GPC1: variants seen among roughly 807,000 people sequenced by gnomAD.
The protein encoded by GPC1 is glypican-1.
In GPC1, 26 loss-of-function variants were observed where a neutral mutation model predicts 51.5. The ratio of observed to expected loss-of-function variants is 0.50; its 90% CI spans 0.37 to 0.70. GPC1 has a LOEUF of 0.70. GPC1 is among the 30% of genes least tolerant of loss of function. GPC1 has a pLI of 0.00. For synonymous variants in GPC1, 380 were observed against 348.3 expected, an observed-to-expected ratio of 1.09 and a Z score of -1.01; for missense variants, 775 against 800.5, an observed-to-expected ratio of 0.97 and a Z score of 0.38.
At chr2:240,445,794 T>G (rs570184687) in intron 1 of GPC1, among the ~76,000 whole-genome samples, 7 of 152,302 alleles carry the variant, frequency 4.6e-5, no homozygotes, top group African/African-American at 1.7e-4. Flanking sequence ...TCGCCGCTGT[T>G]TATGCCCCTC....
At chr2:240,460,491 T>G (rs969032700) in intron 2 of GPC1, among the ~76,000 whole-genome samples, 4 of 152,032 alleles carry the variant, frequency 2.6e-5, no homozygotes, top group Non-Finnish European at 5.9e-5. Flanking sequence ...GCCCTGCCCC[T>G]TCCCCTCTCC....
At chr2:240,458,151 A>G in intron 1 of GPC1, 1 of 452,098 alleles carries the variant, frequency 2.2e-6, no homozygotes, top group Non-Finnish European at 4.7e-6. Context: ...TAAAATGAGG[A>G]TTGCGGCAGC....
rs1433754343 is a variant in GPC1, at chr2:240,467,273, C to G, written c.*983C>G. 1 of 152,350 alleles carries G rather than the reference C, an allele frequency of 6.6e-6. No homozygotes were observed. Among genetic ancestry groups the G allele is most frequent in the Admixed American group, 6.5e-5 (1 of 15,288 alleles). 9.4% of individuals were successfully genotyped at this position (152,350 alleles called of 1,614,324 possible). A position where few individuals can be genotyped will look rare whatever the true frequency, so the allele number is the denominator to read the frequency against. On this transcript the variant is annotated 3_prime_UTR_variant, in exon 9 of 9. Coordinates refer to ENST00000264039, the MANE Select transcript of GPC1 (RefSeq NM_002081.3). ...CAGGGATGCTGGTGGCTGGTGAGAC[C>G]CCGCACTGCAGACGGGAATGCCTAG...
In GPC1 at chr2:240,466,139, G is replaced by A. The variant is rs770527692; in HGVS notation, c.1526G>A (p.Ser509Asn). Residue 509 changes from serine (S) to asparagine (N), a missense_variant, in exon 9 of 9, where the codon AGC becomes AAC. By Grantham distance (46) the Ser-to-Asn change is conservative. Transcript: ENST00000264039. ...CSRKVSRKSS[S>N]SRTPLTHALP... ...CGGAAGGTCAGCAGGAAGAGCTCCA[G>A]CTCCCGGACGCCCTTGACCCATGCC... The A allele has an allele frequency of 6.2e-6, 10 of 1,612,844 alleles. No individual in the cohort carries two copies. In the Middle Eastern group the frequency reaches 4.9e-4, roughly 80 times the overall value.
At position 240,465,070 on chromosome 2, in the gene GPC1, C is replaced by T. The variant is rs374729243; in HGVS notation, c.1135-7C>T. ...GGCAGCCCAGTGGCCTGACTGCTGCCCCACAGGTCTCCGAAGCCAAGGCCC... is the reference window on the plus strand; with the variant it reads ...GGCAGCCCAGTGGCCTGACTGCTGCTCCACAGGTCTCCGAAGCCAAGGCCC... On this transcript the variant is annotated splice_polypyrimidine_tract_variant and splice_region_variant and intron_variant, in intron 6 of 8. Coordinates refer to ENST00000264039, the MANE Select transcript of GPC1 (RefSeq NM_002081.3). 6.9e-6 allele frequency: 11 copies of T among 1,600,268 alleles called. No homozygotes were observed. Among genetic ancestry groups the T allele is most frequent in the South Asian group, 1.1e-5 (1 of 89,046 alleles).
Position 240,464,711 on chromosome 2 carries a change from G to A in GPC1, c.979G>A (p.Ala327Thr), listed in dbSNP as rs751991629. Residue 327 changes from alanine to threonine, a missense_variant, in exon 5 of 9, where the codon GCC (alanine) becomes ACC (threonine). Coordinates refer to ENST00000264039, the MANE Select transcript of GPC1 (RefSeq NM_002081.3). ...CACGTGGCTGGCGGAGGCCATCAACGCCCTCCAGGACAACAGGGACACGCT... is the reference window on the plus strand; with the variant it reads ...CACGTGGCTGGCGGAGGCCATCAACACCCTCCAGGACAACAGGGACACGCT... ...VHTWLAEAINALQDNRDTLTA... is the reference protein window; with the variant it reads ...VHTWLAEAINTLQDNRDTLTA... The A allele has an allele frequency of 1.6e-5, 26 of 1,611,572 alleles. No individual in the cohort carries two copies. The highest frequency in any genetic ancestry group is 1.1e-4 in the South Asian group (10 of 90,844).
At position 240,448,357 on chromosome 2, in the gene GPC1, C is replaced by T. The variant is rs756460165; in HGVS notation, c.167-10673C>T. 4.8e-4 allele frequency among the ~76,000 whole-genome samples: 73 copies of T among 152,046 alleles called. No homozygotes were observed. Among genetic ancestry groups the T allele is most frequent in the Non-Finnish European group, 8.1e-4 (55 of 68,020 alleles). ...TCATGGGATCCTGGCATCCCTCTGT[C>T]TGCCAGGCAGTCCGGGTGTAGATAG... is the stretch of plus-strand genomic sequence containing the variant. On this transcript the variant is annotated intron_variant, in intron 1 of 8. Coordinates refer to ENST00000264039, the MANE Select transcript of GPC1 (RefSeq NM_002081.3). The surrounding 1 kb of genome is among the most constrained non-coding windows in gnomAD (Gnocchi z 4.5).
At chr2:240,438,256 C>T (rs2073996322) in intron 1 of GPC1, among the ~76,000 whole-genome samples, 1 of 152,190 alleles carries the variant, frequency 6.6e-6, no homozygotes, top group African/African-American at 2.4e-5. Context: ...TCTCTCCCTG[C>T]ACCCCCTATG....
chr2:240,459,218 C>T (rs972999334), intron 2 of GPC1, 30 bp downstream of exon 2: 13 of 1,599,000 alleles, frequency 8.1e-6, no homozygotes, highest in South Asian at 1.1e-5. Flanking sequence ...GCTCGGGGCC[C>T]GCAGGGTGCC....
rs2074259786 is a variant in GPC1 at position 240,466,125 on chromosome 2, C to G, written c.1512C>G (p.Ser504Arg). 1.9e-6 allele frequency: 3 copies of G among 1,612,876 alleles called. No homozygotes were observed. Among genetic ancestry groups the G allele is most frequent in the Non-Finnish European group, 2.5e-6 (3 of 1,179,806 alleles). The change falls in exon 9 of 9, where the codon AGC becomes AGG. Residue 504 changes from serine (S) to arginine (R), a missense_variant. Physicochemically the swap from Ser to Arg is moderately radical, Grantham distance 110. Transcript: ENST00000264039. ...ATGACCTCTGCAGCCGGAAGGTCAGCAGGAAGAGCTCCAGCTCCCGGACGC... is the reference window on the plus strand; with the variant it reads ...ATGACCTCTGCAGCCGGAAGGTCAGGAGGAAGAGCTCCAGCTCCCGGACGC... ...CLDDLCSRKV[S>R]RKSSSSRTPL... is the part of the protein sequence containing the mutation.
At chr2:240,456,648 G>C (rs1391420227) in intron 1 of GPC1, 1 of 470,504 alleles carries the variant, frequency 2.1e-6, no homozygotes, top group Non-Finnish European at 4.4e-6. Flanking sequence ...GCCTGGATGG[G>C]TGCACAGGGC....
At position 240,435,824 on chromosome 2, in the gene GPC1, C is replaced by T. The variant is rs2073979568; in HGVS notation, c.-95C>T. On this transcript the variant is annotated 5_prime_UTR_variant, in exon 1 of 9. Coordinates refer to ENST00000264039, the MANE Select transcript of GPC1 (RefSeq NM_002081.3). ...GACCGCGAGCCGCGCGCGCCGGGAC[C>T]TTGGCTCTGCCCTTCGCGGGCGGGA... 2.4e-6 allele frequency: 2 copies of T among 834,570 alleles called. No individual in the cohort carries two copies. The highest frequency in any genetic ancestry group is 3.8e-5 in the East Asian group (1 of 26,544). 51.7% of individuals were successfully genotyped at this position (834,570 alleles called of 1,614,324 possible).
At position 240,446,555 on chromosome 2, in the gene GPC1, G is replaced by A. The variant is rs570404888; in HGVS notation, c.166+10471G>A. Among the ~76,000 whole-genome samples, 8 of 152,314 alleles carry A rather than the reference G, an allele frequency of 5.3e-5. No individual in the cohort carries two copies. The East Asian group carries it at 1.2e-3, about 22-fold the overall frequency. On this transcript the variant is annotated intron_variant, in intron 1 of 8. Transcript: ENST00000264039. ...TTGAGTCATGTGAACCCTGAGGGCC[G>A]AACCCTAAAGACCACTCCCTGGCTG...
At position 240,466,217 on chromosome 2, in the gene GPC1, C is replaced by G. The variant is rs751446559; in HGVS notation, c.1604C>G (p.Pro535Arg). The G allele has an allele frequency of 6.2e-7, 1 of 1,612,972 alleles. No homozygotes were observed. The highest frequency in any genetic ancestry group is 8.5e-7 in the Non-Finnish European group (1 of 1,179,414). ...EGQKTSAASC[P>R]QPPTFLLPLL... ...CAGAAGACCTCGGCTGCCAGCTGCC[C>G]CCAGCCCCCGACCTTCCTCCTGCCC... is the stretch of plus-strand genomic sequence containing the variant. The change falls in exon 9 of 9, where the codon CCC (proline) becomes CGC (arginine). Residue 535 changes from proline to arginine, a missense_variant. Coordinates refer to ENST00000264039, the MANE Select transcript of GPC1 (RefSeq NM_002081.3).
chr2:240,454,850 C>A (rs1424493855), intron 1 of GPC1: 1 of 171,414 alleles, frequency 5.8e-6, no homozygotes, highest in Non-Finnish European at 1.4e-5. Context: ...TGGTCACGGG[C>A]AGCTGCCAGG....
chr2:240,450,794 G>A (rs1478064213), intron 1 of GPC1: 1 of 470,148 alleles, frequency 2.1e-6, no homozygotes, highest in East Asian at 7.0e-5. Context: ...TTCAGTACCA[G>A]GGTACCAGGG....
chr2:240,436,606 C>A (rs1273965118), intron 1 of GPC1, among the ~76,000 whole-genome samples: 1 of 152,258 alleles, frequency 6.6e-6, no homozygotes, highest in South Asian at 2.1e-4. Flanking sequence ...CCCGGGGATT[C>A]TCGTAGGGTC....
At chr2:240,454,792 T>TGGCGC (rs1453140834) in intron 1 of GPC1, 1 of 156,450 alleles carries the variant, frequency 6.4e-6, no homozygotes, top group East Asian at 1.9e-4. Flanking sequence ...GGGCGTGGCG[T>TGGCGC]GGCGCCATCA....
intron 1 of GPC1, among the ~76,000 whole-genome samples, chr2:240,455,841 C>T (rs1269992367): frequency 2.0e-5 from 3 of 152,200 alleles, no homozygotes; most frequent in African/African-American, 4.8e-5. Context: ...CCGGCCTGCG[C>T]CGGGCCGGAG....
Sources: gnomAD v4.1 joint callset for allele counts (sites outside exome capture counted in the v4.1 genomes callset) on GRCh38, gnomAD v4.1.1 for gene constraint, Gnocchi (gnomAD v3.1) non-coding constraint, MANE v1.5 for transcripts, NCBI Gene and HGNC (gene_info 2026-07-23, HGNC 2026-07-21) for gene names.